IQSEC3: variants seen among roughly 807,000 people sequenced by gnomAD.
IQSEC3 encodes the protein IQ motif and Sec7 domain ArfGEF 3.
A neutral mutation model predicts 105.4 loss-of-function variants in IQSEC3; 50 were observed. The observed-to-expected ratio is 0.47, with a 90% CI of 0.38 to 0.60. IQSEC3 has a LOEUF of 0.60. IQSEC3 is among the 20% of genes least tolerant of loss of function. The probability of loss-of-function intolerance (pLI) is 0.00; values close to 1 mark genes in which losing one functional copy is unlikely to be tolerated. For synonymous variants in IQSEC3, 708 were observed against 746.0 expected (o/e 0.95, Z 0.83); for missense variants, 1,415 against 1,630.0 (o/e 0.87, Z 2.27).
intron 2 of IQSEC3, among the ~76,000 whole-genome samples, chr12:120,716 T>G (rs569003190): frequency 5.9e-5 from 9 of 152,306 alleles, no homozygotes; most frequent in Non-Finnish European, 1.3e-4. Flanking sequence ...ATGGCCCTGT[T>G]TCCCTACTTT....
At position 152,202 on chromosome 12, in the gene IQSEC3, C is replaced by A. The variant is rs562281976; in HGVS notation, c.2154-4823C>A. On this transcript the variant is annotated intron_variant, in intron 5 of 13. Coordinates refer to ENST00000538872, the MANE Select transcript of IQSEC3 (RefSeq NM_001170738.2). The surrounding 1 kb of genome is among the most constrained non-coding windows in gnomAD (Gnocchi z 4.8). ...CAGAAAGGGGAAGGCAGGAGGTCAGCGATATGGACCCTGCTGTGGGCTCCA... is the reference window on the plus strand; with the variant it reads ...CAGAAAGGGGAAGGCAGGAGGTCAGAGATATGGACCCTGCTGTGGGCTCCA... Among the ~76,000 whole-genome samples the A allele has an allele frequency of 5.3e-5, 8 of 152,334 alleles. No individual in the cohort carries two copies. In the South Asian group the frequency reaches 1.7e-3, roughly 32 times the overall value.
In IQSEC3 at chr12:163,387, G is replaced by GACCCCTCCCCT. The variant is rs1565447336; in HGVS notation, c.2584-107_2584-106insACCCCTCCCCT. 7.7e-6 allele frequency: 8 copies of GACCCCTCCCCT among 1,043,422 alleles called. No individual in the cohort carries two copies. In the African/African-American group the frequency reaches 1.2e-4, roughly 16 times the overall value. 64.6% of individuals were successfully genotyped at this position (1,043,422 alleles called of 1,614,324 possible). On this transcript the variant is annotated intron_variant, in intron 8 of 13. Coordinates refer to ENST00000538872, the MANE Select transcript of IQSEC3 (RefSeq NM_001170738.2). The stretch of plus-strand genomic sequence containing the variant: ...CCCCTCTCCTCCCTCCACAGAACCG[G>GACCCCTCCCCT]GCCCCTCCCCTCTCCCGGGCTGTCT...
At position 99,333 on chromosome 12, in the gene IQSEC3, T is replaced by A. The variant is rs1864346201; in HGVS notation, c.623+119T>A. On this transcript the variant is annotated intron_variant, in intron 2 of 13. Coordinates refer to ENST00000538872, the MANE Select transcript of IQSEC3 (RefSeq NM_001170738.2). ...CTCTTGAGTCTCATGTGGGGTAATT[T>A]GTTTGCTTTCACCTCCTTCCTCAGA... 3.2e-6 allele frequency: 3 copies of A among 944,592 alleles called. No homozygotes were observed. In the South Asian group the frequency reaches 4.8e-5, roughly 15 times the overall value. 58.5% of individuals were successfully genotyped at this position (944,592 alleles called of 1,614,324 possible).
chr12:102,212 G>C (rs1864448546), intron 2 of IQSEC3, among the ~76,000 whole-genome samples: 1 of 150,440 alleles, frequency 6.6e-6, no homozygotes, highest in Admixed American at 6.7e-5. Flanking sequence ...TCCCCCATCA[G>C]TCTGGCTCCT....
At chr12:105,054 C>T (rs1555077512) in intron 2 of IQSEC3, among the ~76,000 whole-genome samples, 1 of 152,246 alleles carries the variant, frequency 6.6e-6, no homozygotes, top group Non-Finnish European at 1.5e-5. Flanking sequence ...TCGGGCGGTA[C>T]AGCCGCGTCC....
At chr12:148,977 T>A (rs148498002) in intron 5 of IQSEC3, 35 of 152,012 alleles carry the variant, frequency 2.3e-4, no homozygotes, top group Non-Finnish European at 7.4e-5. Context: ...GATGATGAAA[T>A]TCATTTTGAT....
chr12:94,358 C>T (rs1864181304), intron 1 of IQSEC3, among the ~76,000 whole-genome samples: 2 of 152,216 alleles, frequency 1.3e-5, no homozygotes, highest in South Asian at 4.1e-4. Context: ...AAGACATGCC[C>T]AGGTCAGGAA....
rs1591766579 is a variant in IQSEC3 at position 175,821 on chromosome 12, C to T, written c.*788C>T. 1.3e-5 allele frequency: 2 copies of T among 152,374 alleles called. No individual in the cohort carries two copies. The highest frequency in any genetic ancestry group is 6.5e-5 in the Admixed American group (1 of 15,290). The allele number at this position is 152,374 out of a possible 1,614,324, so 9.4% of individuals were successfully genotyped here. A position where few individuals can be genotyped will look rare whatever the true frequency, so the allele number is the denominator to read the frequency against. On this transcript the variant is annotated 3_prime_UTR_variant, in exon 14 of 14. Coordinates refer to ENST00000538872, the MANE Select transcript of IQSEC3 (RefSeq NM_001170738.2). ...ACCTTTTTAAAGAGTGTCTTAGTTC[C>T]CCAGCCCCAGCTAATACCCGGCCAA...
chr12:143,266 G>C (rs1001112479), intron 5 of IQSEC3: 2 of 152,700 alleles, frequency 1.3e-5, no homozygotes, highest in Admixed American at 1.3e-4. Flanking sequence ...CTTGGGATGG[G>C]TAGGGGCCAG....
At chr12:134,326 T>C (rs1865688770) in intron 3 of IQSEC3, among the ~76,000 whole-genome samples, 1 of 152,194 alleles carries the variant, frequency 6.6e-6, no homozygotes, top group Non-Finnish European at 1.5e-5. Context: ...ATGGGACAGA[T>C]GCAAGAATTT....
At chr12:110,915 C>T (rs1234892718) in intron 2 of IQSEC3, among the ~76,000 whole-genome samples, 1 of 152,164 alleles carries the variant, frequency 6.6e-6, no homozygotes, top group Admixed American at 6.5e-5. Context: ...GGGAAATTCT[C>T]AATGTCCTTC....
chr12:126,396 C>G, intron 3 of IQSEC3, among the ~76,000 whole-genome samples: 1 of 152,248 alleles, frequency 6.6e-6, no homozygotes, highest in East Asian at 1.9e-4. Flanking sequence ...GAGTCCAAAG[C>G]TCCTCTATTG....
intron 3 of IQSEC3, among the ~76,000 whole-genome samples, chr12:127,685 G>C (rs1335526174): frequency 2.0e-5 from 3 of 152,166 alleles, no homozygotes; most frequent in Non-Finnish European, 4.4e-5. Context: ...TTTTTGAGAA[G>C]TGTCTGTTCA....
Position 157,712 on chromosome 12 carries a change from G to T in IQSEC3, c.2443+18G>T. 13 of 1,603,216 alleles carry T rather than the reference G, an allele frequency of 8.1e-6. No individual in the cohort carries two copies. The highest frequency in any genetic ancestry group is 1.1e-5 in the Non-Finnish European group (13 of 1,173,540). On this transcript the variant is annotated intron_variant, in intron 7 of 13. Coordinates refer to ENST00000538872, the MANE Select transcript of IQSEC3 (RefSeq NM_001170738.2). ...CCTTCGAGGTGAGGAGGTGGGCACT[G>T]GGGCAGGAGGGGCAAGGCCACGGCT...
intron 3 of IQSEC3, among the ~76,000 whole-genome samples, chr12:133,473 G>A (rs1445387156): frequency 6.6e-6 from 1 of 152,234 alleles, no homozygotes. Context: ...CCCTGGGGCT[G>A]AGTGACAAGC....
intron 11 of IQSEC3, chr12:167,588 A>AAAG (rs1938733848): frequency 1.3e-5 from 2 of 152,096 alleles, no homozygotes; most frequent in South Asian, 2.1e-4. Context: ...AAAAAAAAAA[A>AAAG]AAGAAAATGG....
intron 13 of IQSEC3, among the ~76,000 whole-genome samples, chr12:172,722 TCC>T: frequency 6.6e-6 from 1 of 152,242 alleles, no homozygotes; most frequent in African/African-American, 2.4e-5. Context: ...ATCCTCTGTC[TCC>T]CCACTCCCCT....
intron 2 of IQSEC3, among the ~76,000 whole-genome samples, chr12:102,722 G>T (rs572111916): frequency 1.2e-3 from 186 of 152,324 alleles, no homozygotes; most frequent in Admixed American, 1.7e-3. Context: ...CTGGGAGCCG[G>T]ACAGGGAGTG....
chr12:163,466 T>A (rs781830425), intron 8 of IQSEC3, 28 bp from the exon 9 acceptor site: 20 of 1,578,614 alleles, frequency 1.3e-5, no homozygotes, highest in African/African-American at 1.2e-4. Flanking sequence ...CTCTGGTCTC[T>A]CCCGCTGAGC....
Sources: gnomAD v4.1 joint callset for allele counts (sites outside exome capture counted in the v4.1 genomes callset) on GRCh38, gnomAD v4.1.1 for gene constraint, Gnocchi (gnomAD v3.1) non-coding constraint, MANE v1.5 for transcripts, NCBI Gene and HGNC (gene_info 2026-07-23, HGNC 2026-07-21) for gene names.